MSH4: variants seen among roughly 807,000 people sequenced by gnomAD.
MSH4 encodes the protein mutS protein homolog 4.
In MSH4, 106 loss-of-function variants were observed where a neutral mutation model predicts 113.7. The ratio of observed to expected loss-of-function variants is 0.93; its 90% CI spans 0.80 to 1.10. The LOEUF (loss-of-function observed/expected upper bound fraction) is 1.10. MSH4 is among the 50% of genes least tolerant of loss of function. The pLI is 0.00. For missense variants in MSH4, 1,061 were observed against 1,093.7 expected (o/e 0.97, Z 0.42); for synonymous variants, 368 against 380.2 (o/e 0.97, Z 0.37).
chr1:75,858,265 C>T (rs887990513), intron 8 of MSH4, among the ~76,000 whole-genome samples: 8 of 152,204 alleles, frequency 5.3e-5, no homozygotes, highest in Non-Finnish European at 4.4e-5. Context: ...ATTTCTTTCT[C>T]TTGCCTGATT....
At chr1:75,900,924 T>A (rs1652493208) in intron 19 of MSH4, among the ~76,000 whole-genome samples, 1 of 152,214 alleles carries the variant, frequency 6.6e-6, no homozygotes, top group East Asian at 1.9e-4. Context: ...TTGATTCTCC[T>A]AATGAAGTTT....
chr1:75,856,897 C>T (rs2100552792), intron 8 of MSH4, among the ~76,000 whole-genome samples: 1 of 152,296 alleles, frequency 6.6e-6, no homozygotes, highest in African/African-American at 2.4e-5. Flanking sequence ...AATTTACACT[C>T]CCACCAACAG....
chr1:75,821,997 G>C (rs991929074), intron 6 of MSH4, among the ~76,000 whole-genome samples: 1 of 152,018 alleles, frequency 6.6e-6, no homozygotes, highest in African/African-American at 2.4e-5. Flanking sequence ...AAGAATCATT[G>C]CTGGCCAGGC....
intron 7 of MSH4, among the ~76,000 whole-genome samples, chr1:75,838,445 C>T (rs1479003677): frequency 6.6e-6 from 1 of 152,166 alleles, no homozygotes; most frequent in Non-Finnish European, 1.5e-5. Context: ...CAACTAGAAA[C>T]TTCCTTTTAT....
chr1:75,889,442 A>AT (rs1652202157), intron 16 of MSH4, 73 bp downstream of exon 16: 1 of 669,378 alleles, frequency 1.5e-6, no homozygotes, highest in African/African-American at 1.9e-5. Context: ...CACATAAAAT[A>AT]TTTTTATACT....
chr1:75,811,694 C>T (rs1323809235), intron 4 of MSH4, among the ~76,000 whole-genome samples: 10 of 152,170 alleles, frequency 6.6e-5, no homozygotes, highest in Non-Finnish European at 1.0e-4. Flanking sequence ...TGGCTCCAAA[C>T]CAAGTAGACA....
chr1:75,813,872 A>G (rs892158161), intron 4 of MSH4, among the ~76,000 whole-genome samples: 1 of 152,076 alleles, frequency 6.6e-6, no homozygotes, highest in African/African-American at 2.4e-5. Flanking sequence ...CCTGCATTAA[A>G]TCAAAAGCAA....
At chr1:75,839,683 T>G (rs575765433) in intron 7 of MSH4, among the ~76,000 whole-genome samples, 12 of 151,158 alleles carry the variant, frequency 7.9e-5, no homozygotes, top group African/African-American at 2.9e-4. Context: ...CTAATTAAAC[T>G]AAAGAGCTTC....
intron 7 of MSH4, among the ~76,000 whole-genome samples, chr1:75,831,367 T>G (rs756220478): frequency 7.2e-5 from 11 of 152,018 alleles, no homozygotes; most frequent in Admixed American, 1.3e-4. Flanking sequence ...ACTGTCAACA[T>G]TAGACAGATC....
chr1:75,858,712 T>C (rs1651380624), intron 8 of MSH4, among the ~76,000 whole-genome samples: 1 of 152,216 alleles, frequency 6.6e-6, no homozygotes, highest in Admixed American at 6.5e-5. Flanking sequence ...ATCAGGGATG[T>C]TAGCCTAAAA....
At chr1:75,838,757 T>C (rs1005430792) in intron 7 of MSH4, among the ~76,000 whole-genome samples, 2 of 152,190 alleles carry the variant, frequency 1.3e-5, no homozygotes, top group African/African-American at 2.4e-5. Context: ...AATTTTTGCC[T>C]AGAATACCTC....
chr1:75,822,672 T>C, intron 7 of MSH4, 91 bp downstream of exon 7: 1 of 646,628 alleles, frequency 1.5e-6, no homozygotes, highest in Non-Finnish European at 2.3e-6. Flanking sequence ...AGACAAGTAG[T>C]GAAGGTGTTA....
chr1:75,883,495 CTTAATGTTATTA>C, intron 14 of MSH4, 114 bp from the exon 15 acceptor site: 1 of 726,978 alleles, frequency 1.4e-6, no homozygotes, highest in Non-Finnish European at 2.2e-6. Context: ...AATATAGTAC[CTTAATGTTATTA>C]TTCCAAATTG....
chr1:75,827,658 G>A (rs1311274899), intron 7 of MSH4, among the ~76,000 whole-genome samples: 1 of 119,400 alleles, frequency 8.4e-6, no homozygotes, highest in Non-Finnish European at 1.8e-5. Flanking sequence ...CCAAGAAAAT[G>A]GAAAGCAAAA....
At chr1:75,838,548 A>G (rs1570959784) in intron 7 of MSH4, among the ~76,000 whole-genome samples, 1 of 152,154 alleles carries the variant, frequency 6.6e-6, no homozygotes, top group Non-Finnish European at 1.5e-5. Flanking sequence ...TCTGCATAAA[A>G]TCCTTCAATC....
At position 75,816,382 on chromosome 1, in the gene MSH4, C is replaced by T; in HGVS notation, c.825C>T (p.Cys275=). Residue 275 remains cysteine (C), a synonymous_variant, in exon 6 of 20, where the codon TGC becomes TGT. Transcript: ENST00000263187. ...VLMEVQSKYY[C]LAAVAALLKY... Reference sequence around the variant, plus strand: ...ATTGGTCATCTTTTAGGTATTACTGCCTTGCAGCTGTTGCAGCTTTGTTAA... The same window carrying T: ...ATTGGTCATCTTTTAGGTATTACTGTCTTGCAGCTGTTGCAGCTTTGTTAA... 1 of 1,600,158 alleles carries T rather than the reference C, an allele frequency of 6.2e-7. No homozygotes were observed. Among genetic ancestry groups the T allele is most frequent in the Non-Finnish European group, 8.5e-7 (1 of 1,171,630 alleles).
At chr1:75,898,355 G>A (rs1315124632) in intron 18 of MSH4, among the ~76,000 whole-genome samples, 1 of 151,946 alleles carries the variant, frequency 6.6e-6, no homozygotes, top group Non-Finnish European at 1.5e-5. Context: ...CTTAGAAAAT[G>A]TAATTTATCT....
In MSH4 at chr1:75,912,810, T is replaced by C. The variant is rs746178906; in HGVS notation, c.2734T>C (p.Tyr912His). 11 of 1,590,204 alleles carry C rather than the reference T, an allele frequency of 6.9e-6. No homozygotes were observed. The South Asian group carries it at 1.3e-4, about 18-fold the overall frequency. The change falls in exon 20 of 20, where the codon TAT (tyrosine) becomes CAT (histidine). Residue 912 changes from tyrosine to histidine, a missense_variant. Tyr to His is a moderately conservative substitution (Grantham distance 83). Coordinates refer to ENST00000263187, the MANE Select transcript of MSH4 (RefSeq NM_002440.4). ...SQLDPDSLRI[Y>H]LSNLKKKYKE... ...ATTGGATCCAGACAGTTTACGAATA[T>C]ATTTAAGTAACCTCAAGAAGAAGTA...
At position 75,904,585 on chromosome 1, in the gene MSH4, C is replaced by T. The variant is rs1008085285; in HGVS notation, c.2619+4879C>T. On this transcript the variant is annotated intron_variant, in intron 19 of 19. Transcript: ENST00000263187. ...GGAGTGTGGTGGTGCAATCCCAGCCCACTGCTTACTTGACCTCCTAGCTCA... is the reference window on the plus strand; with the variant it reads ...GGAGTGTGGTGGTGCAATCCCAGCCTACTGCTTACTTGACCTCCTAGCTCA... 4.6e-5 allele frequency among the ~76,000 whole-genome samples: 7 copies of T among 151,680 alleles called. No homozygotes were observed. In the East Asian group the frequency reaches 1.3e-3, roughly 29 times the overall value.
Sources: gnomAD v4.1 joint callset for allele counts (sites outside exome capture counted in the v4.1 genomes callset) on GRCh38, gnomAD v4.1.1 for gene constraint, MANE v1.5 for transcripts, NCBI Gene and HGNC (gene_info 2026-07-23, HGNC 2026-07-21) for gene names.